PARP8: variants seen among roughly 807,000 people sequenced by gnomAD.
PARP8 encodes the protein protein mono-ADP-ribosyltransferase PARP8.
In PARP8, 51 loss-of-function variants were observed where a neutral mutation model predicts 124.1. That is an observed-to-expected ratio of 0.41 (90% CI 0.33 to 0.52). PARP8 has a LOEUF of 0.52. Among genes scored for constraint, PARP8 ranks in the 20% least tolerant of loss-of-function variants. The probability of loss-of-function intolerance (pLI) is 0.21; values close to 1 mark genes in which losing one functional copy is unlikely to be tolerated. For synonymous variants in PARP8, 391 were observed against 361.5 expected (o/e 1.08, Z -0.93); for missense variants, 860 against 1,018.9 (o/e 0.84, Z 2.12).
chr5:50,756,827 T>TGTGTC (rs1760013112), intron 3 of PARP8, among the ~76,000 whole-genome samples: 1 of 152,192 alleles, frequency 6.6e-6, no homozygotes, highest in South Asian at 2.1e-4. Context: ...AACATCTTGC[T>TGTGTC]GTGTCCCCCA....
chr5:50,741,363 AT>A (rs1188507738), intron 2 of PARP8, among the ~76,000 whole-genome samples: 1 of 152,202 alleles, frequency 6.6e-6, no homozygotes, highest in Non-Finnish European at 1.5e-5. Flanking sequence ...GCACAGCTTT[AT>A]TTAAATATGT....
At chr5:50,687,824 T>G (rs1042473565) in intron 2 of PARP8, among the ~76,000 whole-genome samples, 10 of 152,138 alleles carry the variant, frequency 6.6e-5, no homozygotes, top group Admixed American at 6.5e-4. Context: ...ATGATTCAAT[T>G]ACCTCCCACA....
intron 9 of PARP8, among the ~76,000 whole-genome samples, chr5:50,779,530 G>T (rs530046534): frequency 1.3e-5 from 2 of 152,344 alleles, no homozygotes; most frequent in East Asian, 3.9e-4. Flanking sequence ...GCTTCTTCAT[G>T]TGGTTTGGAC....
At position 50,693,037 on chromosome 5, in the gene PARP8, A is replaced by G. The variant is rs193224857; in HGVS notation, c.146+24912A>G. On this transcript the variant is annotated intron_variant, in intron 2 of 25. Coordinates refer to ENST00000281631, the MANE Select transcript of PARP8 (RefSeq NM_024615.4). ...AGGACCTCCCTTAGGAATTCTTCAT[A>G]TAAGTTAAACATCAAAGTTCTTAAA... 3.9e-3 allele frequency among the ~76,000 whole-genome samples: 593 copies of G among 152,298 alleles called. 5 individuals are homozygous for G. The highest frequency in any genetic ancestry group is 0.012 in the Admixed American group (185 of 15,288).
In PARP8 at chr5:50,759,622, CTTTTTT is replaced by C. The variant is rs4029424; in HGVS notation, c.185-10_185-5del. ...TTTTTAAACTTATGCCTTTCATTAT[CTTTTTT>C]TTTTTTTTTTGCAGATAATACATAT... On this transcript the variant is annotated splice_polypyrimidine_tract_variant and intron_variant, in intron 3 of 25. Coordinates refer to ENST00000281631, the MANE Select transcript of PARP8 (RefSeq NM_024615.4). The C allele has an allele frequency of 9.8e-6, 13 of 1,326,786 alleles. No individual in the cohort carries two copies. The highest frequency in any genetic ancestry group is 1.1e-5 in the Non-Finnish European group (11 of 1,019,232). The allele number at this position is 1,326,786 out of a possible 1,614,324, so 82.2% of individuals were successfully genotyped here. A position where few individuals can be genotyped will look rare whatever the true frequency, so the allele number is the denominator to read the frequency against.
At chr5:50,722,545 G>C (rs1381973983) in intron 2 of PARP8, among the ~76,000 whole-genome samples, 2 of 151,982 alleles carry the variant, frequency 1.3e-5, no homozygotes, top group African/African-American at 2.4e-5. Flanking sequence ...AGCCTGTATT[G>C]TGTTAAGTTT....
chr5:50,824,708 G>A (rs1031588540), intron 17 of PARP8, among the ~76,000 whole-genome samples, 200 bp from the exon 18 acceptor site: 1 of 152,080 alleles, frequency 6.6e-6, no homozygotes, highest in African/African-American at 2.4e-5. Flanking sequence ...GTTTGGGCAA[G>A]TCATTTTGGT....
intron 18 of PARP8, 130 bp downstream of exon 18, chr5:50,825,105 A>G: frequency 4.1e-6 from 3 of 734,418 alleles, no homozygotes; most frequent in Non-Finnish European, 6.9e-6. Flanking sequence ...CTACAAGCTT[A>G]TGAGACCTGG....
intron 3 of PARP8, chr5:50,757,337 G>C (rs1265580072): frequency 3.1e-6 from 1 of 325,678 alleles, no homozygotes; most frequent in Non-Finnish European, 6.2e-6. Flanking sequence ...AAAGAGAACA[G>C]AGTGCTTTGA....
intron 7 of PARP8, among the ~76,000 whole-genome samples, chr5:50,776,958 T>A (rs910678777): frequency 6.6e-6 from 1 of 152,190 alleles, no homozygotes. Flanking sequence ...TTTTTTCACA[T>A]CTTTAAATCT....
At chr5:50,755,483 A>G (rs929467612) in intron 3 of PARP8, among the ~76,000 whole-genome samples, 3 of 152,058 alleles carry the variant, frequency 2.0e-5, no homozygotes, top group Non-Finnish European at 2.9e-5. Context: ...CAAAGCTCAG[A>G]TGGTTGTAGA....
intron 14 of PARP8, among the ~76,000 whole-genome samples, chr5:50,807,213 A>G (rs1223682244): frequency 6.6e-6 from 1 of 151,922 alleles, no homozygotes. Context: ...CTAGGTTAGC[A>G]TGTCGCACTC....
chr5:50,800,016 A>T (rs1055571990), intron 14 of PARP8, among the ~76,000 whole-genome samples: 7 of 152,246 alleles, frequency 4.6e-5, no homozygotes, highest in Non-Finnish European at 8.8e-5. Context: ...CGATTACAGC[A>T]GCCGGAATAG....
At chr5:50,794,783 A>G in intron 11 of PARP8, 70 bp from the exon 12 acceptor site, 3 of 1,365,222 alleles carry the variant, frequency 2.2e-6, no homozygotes, top group Admixed American at 1.9e-5. Context: ...GAGTTTGAGC[A>G]TGACAAGCTT....
At chr5:50,812,363 A>T (rs1023631684) in intron 14 of PARP8, among the ~76,000 whole-genome samples, 2 of 151,950 alleles carry the variant, frequency 1.3e-5, no homozygotes, top group African/African-American at 4.8e-5. Flanking sequence ...GCATTTTTTC[A>T]TGTGTCTGTT....
chr5:50,766,427 T>A (rs1039899528), intron 7 of PARP8, among the ~76,000 whole-genome samples: 1 of 152,176 alleles, frequency 6.6e-6, no homozygotes, highest in Non-Finnish European at 1.5e-5. Flanking sequence ...CATTGGAAAA[T>A]AAATTGAAAT....
intron 3 of PARP8, among the ~76,000 whole-genome samples, chr5:50,758,286 T>G (rs543975229): frequency 6.6e-6 from 1 of 152,330 alleles, no homozygotes; most frequent in African/African-American, 2.4e-5. Flanking sequence ...AAGCAAAATT[T>G]GTGATTGCAC....
In PARP8 at chr5:50,828,489, G is replaced by A. The variant is rs563296913; in HGVS notation, c.2163+105G>A. ...AACTTGCAAAAGAGGAAGCATGTGAGTAAGACATTATATGGAATTTCTAGT... is the reference window on the plus strand; with the variant it reads ...AACTTGCAAAAGAGGAAGCATGTGAATAAGACATTATATGGAATTTCTAGT... On this transcript the variant is annotated intron_variant, in intron 21 of 25. Transcript: ENST00000281631. 1.3e-5 allele frequency: 13 copies of A among 976,878 alleles called. No individual in the cohort carries two copies. In the South Asian group the frequency reaches 1.9e-4, roughly 14 times the overall value. The allele number at this position is 976,878 out of a possible 1,614,324, so 60.5% of individuals were successfully genotyped here.
chr5:50,799,054 C>A (rs1742893866), intron 14 of PARP8, among the ~76,000 whole-genome samples: 1 of 152,120 alleles, frequency 6.6e-6, no homozygotes, highest in African/African-American at 2.4e-5. Flanking sequence ...ATCTTTGACA[C>A]ACACAAGTTT....
Sources: allele counts gnomAD v4.1 joint callset (sites outside exome capture counted in the v4.1 genomes callset), GRCh38; gene constraint gnomAD v4.1.1; transcripts MANE v1.5; gene names NCBI Gene and HGNC (gene_info 2026-07-23, HGNC 2026-07-21).